Variants in LRRTM4 observed in about 807,000 individuals in gnomAD.
LRRTM4 encodes the protein leucine-rich repeat transmembrane neuronal protein 4.
LRRTM4 carries 25 observed loss-of-function variants against 47.6 expected under a neutral mutation model. The observed-to-expected ratio is 0.53, with a 90% CI of 0.38 to 0.73. The LOEUF (loss-of-function observed/expected upper bound fraction) is 0.73, where lower values mean the gene tolerates loss of function less well. LRRTM4 is among the 30% of genes least tolerant of loss of function. LRRTM4 has a pLI of 0.00. For synonymous variants in LRRTM4, 311 were observed against 269.5 expected (o/e 1.15, Z -1.51); for missense variants, 638 against 713.4 (o/e 0.89, Z 1.20).
chr2:77,426,782 T>C (rs966514144), intron 3 of LRRTM4, among the ~76,000 whole-genome samples: 1 of 151,386 alleles, frequency 6.6e-6, no homozygotes, highest in Non-Finnish European at 1.5e-5. Flanking sequence ...GAGTACATAA[T>C]ATGTACACAC....
At chr2:77,303,554 C>T (rs1677195124) in intron 3 of LRRTM4, among the ~76,000 whole-genome samples, 2 of 152,008 alleles carry the variant, frequency 1.3e-5, no homozygotes, top group South Asian at 4.2e-4. Flanking sequence ...AATTAGTGTC[C>T]CAAAGGGCAT....
At chr2:77,492,196 A>T (rs1446264348) in intron 3 of LRRTM4, among the ~76,000 whole-genome samples, 2 of 152,204 alleles carry the variant, frequency 1.3e-5, no homozygotes, top group Non-Finnish European at 2.9e-5. Flanking sequence ...CAAGTTCACA[A>T]AATTAAAATG....
intron 3 of LRRTM4, among the ~76,000 whole-genome samples, chr2:77,074,106 G>C (rs1391518439): frequency 2.0e-5 from 3 of 151,928 alleles, no homozygotes; most frequent in Non-Finnish European, 2.9e-5. Context: ...TTGTTTTCTT[G>C]AATGCAATTT....
At chr2:77,102,204 A>G (rs1202668607) in intron 3 of LRRTM4, among the ~76,000 whole-genome samples, 12 of 151,832 alleles carry the variant, frequency 7.9e-5, no homozygotes. Context: ...CTCCACCACA[A>G]CCCCGCACCC....
chr2:76,895,151 A>G (rs1264234746), intron 3 of LRRTM4, among the ~76,000 whole-genome samples: 1 of 151,992 alleles, frequency 6.6e-6, no homozygotes, highest in Non-Finnish European at 1.5e-5. Context: ...CTGCATTTGC[A>G]TTTCTATTTG....
intron 3 of LRRTM4, among the ~76,000 whole-genome samples, chr2:77,079,525 AT>A (rs766062272): frequency 3.9e-5 from 6 of 152,094 alleles, no homozygotes; most frequent in African/African-American, 1.2e-4. Context: ...GATTTTTGCA[AT>A]TTTTTTAAAG....
chr2:76,853,815 T>C (rs1672067091), intron 3 of LRRTM4, among the ~76,000 whole-genome samples: 1 of 152,154 alleles, frequency 6.6e-6, no homozygotes, highest in African/African-American at 2.4e-5. Flanking sequence ...TAAGAACAAA[T>C]GCATTTCTCA....
At chr2:77,225,784 A>G (rs1487733722) in intron 3 of LRRTM4, among the ~76,000 whole-genome samples, 2 of 151,962 alleles carry the variant, frequency 1.3e-5, no homozygotes, top group African/African-American at 4.8e-5. Flanking sequence ...ATACACATGA[A>G]AATTGATTTG....
intron 3 of LRRTM4, among the ~76,000 whole-genome samples, chr2:77,205,312 A>T (rs1320897952): frequency 6.6e-6 from 1 of 152,160 alleles, no homozygotes. Context: ...ACGATATCAG[A>T]TATTGGAATG....
chr2:77,060,914 A>G (rs1298999381), intron 3 of LRRTM4, among the ~76,000 whole-genome samples: 2 of 152,156 alleles, frequency 1.3e-5, no homozygotes, highest in Non-Finnish European at 2.9e-5. Context: ...AATTTATTCT[A>G]TGCATCTGAC....
At chr2:77,301,512 A>G (rs1677132769) in intron 3 of LRRTM4, among the ~76,000 whole-genome samples, 1 of 152,194 alleles carries the variant, frequency 6.6e-6, no homozygotes, top group South Asian at 2.1e-4. Flanking sequence ...ACTACTAACA[A>G]AAAGTAATAC....
At chr2:77,250,341 G>T (rs781458589) in intron 3 of LRRTM4, among the ~76,000 whole-genome samples, 1 of 152,098 alleles carries the variant, frequency 6.6e-6, no homozygotes, top group African/African-American at 2.4e-5. Context: ...ATATACATTT[G>T]TCCGTTGTAA....
chr2:76,968,544 C>G (rs953858038), intron 3 of LRRTM4, among the ~76,000 whole-genome samples: 1 of 151,130 alleles, frequency 6.6e-6, no homozygotes, highest in Non-Finnish European at 1.5e-5. Context: ...TCTTCAACAG[C>G]TAGGCTAGTC....
chr2:77,031,595 C>G (rs1265860863), intron 3 of LRRTM4, among the ~76,000 whole-genome samples: 1 of 152,046 alleles, frequency 6.6e-6, no homozygotes, highest in East Asian at 1.9e-4. Context: ...TTTATTTAGT[C>G]CTAGGATCGC....
chr2:76,996,225 C>T (rs10196895), intron 3 of LRRTM4, among the ~76,000 whole-genome samples: 1 of 151,762 alleles, frequency 6.6e-6, no homozygotes, highest in African/African-American at 2.4e-5. Flanking sequence ...TTATTGAACT[C>T]TTAGATAATG....
chr2:77,355,326 A>T (rs1505230), intron 3 of LRRTM4, among the ~76,000 whole-genome samples: 137,922 of 152,154 alleles, frequency 0.91, 63,092 homozygotes, highest in Non-Finnish European at 0.96. Context: ...TAATAACTTA[A>T]ATTGGACAAT....
At chr2:77,480,829 GAGAGAGAGAGAGAGA>G (rs1677666444) in intron 3 of LRRTM4, among the ~76,000 whole-genome samples, 2 of 41,410 alleles carry the variant, frequency 4.8e-5, no homozygotes, top group Non-Finnish European at 1.1e-4. Flanking sequence ...TGTGGAGAGA[GAGAGAGAGAGAGAGA>G]GAGAGAGAGA....
chr2:76,908,820 A>G (rs944874915), intron 3 of LRRTM4, among the ~76,000 whole-genome samples: 9 of 152,004 alleles, frequency 5.9e-5, no homozygotes, highest in African/African-American at 2.2e-4. Context: ...AGAACTACAA[A>G]CCACTGCTCA....
chr2:77,170,164 A>G (rs1016687719), intron 3 of LRRTM4, among the ~76,000 whole-genome samples: 6 of 152,098 alleles, frequency 3.9e-5, no homozygotes, highest in Non-Finnish European at 5.9e-5. Flanking sequence ...ATGATCCTAT[A>G]TTATATAGGT....
Sources: gnomAD v4.1 joint callset for allele counts (sites outside exome capture counted in the v4.1 genomes callset) on GRCh38, gnomAD v4.1.1 for gene constraint, MANE v1.5 for transcripts, NCBI Gene and HGNC (gene_info 2026-07-23, HGNC 2026-07-21) for gene names.